Variants in MAGI1 observed in about 807,000 individuals in gnomAD.
The protein encoded by MAGI1 is membrane-associated guanylate kinase, WW and PDZ domain-containing protein 1.
In MAGI1, 58 loss-of-function variants were observed where a neutral mutation model predicts 139.9. The observed-to-expected ratio is 0.41, with a 90% CI of 0.34 to 0.52. MAGI1 has a LOEUF of 0.52. MAGI1 is among the 20% of genes least tolerant of loss of function. The pLI is 0.12. For synonymous variants in MAGI1, 812 were observed against 737.9 expected, an observed-to-expected ratio of 1.10 and a Z score of -1.63; for missense variants, 1,874 against 1,901.6, an observed-to-expected ratio of 0.99 and a Z score of 0.27.
At chr3:66,002,095 C>G (rs2066772158) in intron 1 of MAGI1, among the ~76,000 whole-genome samples, 1 of 152,146 alleles carries the variant, frequency 6.6e-6, no homozygotes, top group Non-Finnish European at 1.5e-5. Context: ...AAACAAATGC[C>G]AAGCACAAAA....
At chr3:65,915,681 C>T (rs1288007853) in intron 1 of MAGI1, among the ~76,000 whole-genome samples, 4 of 152,126 alleles carry the variant, frequency 2.6e-5, no homozygotes, top group Non-Finnish European at 5.9e-5. Context: ...TCAAGTGGCA[C>T]GTAGTTCCAT....
intron 1 of MAGI1, among the ~76,000 whole-genome samples, chr3:65,959,568 G>C (rs1322995822): frequency 6.6e-6 from 1 of 150,496 alleles, no homozygotes; most frequent in African/African-American, 2.4e-5. Flanking sequence ...CTAAGTAGCT[G>C]GGACTACAGA....
intron 1 of MAGI1, among the ~76,000 whole-genome samples, chr3:65,867,289 G>A (rs577322431): frequency 2.0e-4 from 31 of 152,312 alleles, no homozygotes; most frequent in African/African-American, 7.2e-4. Flanking sequence ...CCTGAGGGAC[G>A]AAGATATGCT....
intron 13 of MAGI1, among the ~76,000 whole-genome samples, chr3:65,396,044 C>G (rs1944370910): frequency 6.6e-6 from 1 of 152,050 alleles, no homozygotes; most frequent in African/African-American, 2.4e-5. Flanking sequence ...TTGCCAAATT[C>G]AACAGGGATT....
intron 2 of MAGI1, among the ~76,000 whole-genome samples, chr3:65,526,473 T>C (rs1056852168): frequency 6.6e-6 from 1 of 152,228 alleles, no homozygotes; most frequent in Non-Finnish European, 1.5e-5. Context: ...CAGAATTCTT[T>C]ATCTGCATGC....
intron 13 of MAGI1, among the ~76,000 whole-genome samples, chr3:65,395,636 C>CATAAA (rs1944323128): frequency 5.2e-5 from 1 of 19,172 alleles, no homozygotes; most frequent in Non-Finnish European, 1.1e-4. Flanking sequence ...GACTCCATCT[C>CATAAA]AAAAAAAAAA....
chr3:65,988,607 T>C (rs370988945), intron 1 of MAGI1, among the ~76,000 whole-genome samples: 8 of 152,298 alleles, frequency 5.3e-5, no homozygotes, highest in East Asian at 3.9e-4. Context: ...CTAGAAACCA[T>C]AATCAGATCA....
chr3:65,796,252 T>C (rs1202102681), intron 1 of MAGI1, among the ~76,000 whole-genome samples: 1 of 152,008 alleles, frequency 6.6e-6, no homozygotes, highest in African/African-American at 2.4e-5. Flanking sequence ...TTCTTTTAAG[T>C]CTATTTTCTT....
intron 18 of MAGI1, 48 bp from the exon 19 acceptor site, chr3:65,364,994 A>T (rs1331162182): frequency 6.7e-7 from 1 of 1,502,434 alleles, no homozygotes. Context: ...CAGAGAAGAC[A>T]TCCTCCAGCC....
intron 1 of MAGI1, among the ~76,000 whole-genome samples, chr3:65,885,428 T>C: frequency 6.6e-6 from 1 of 152,102 alleles, no homozygotes; most frequent in Non-Finnish European, 1.5e-5. Flanking sequence ...TCACATATAT[T>C]GTGAACGTTA....
At chr3:65,819,545 A>G (rs2041814215) in intron 1 of MAGI1, among the ~76,000 whole-genome samples, 1 of 151,948 alleles carries the variant, frequency 6.6e-6, no homozygotes, top group Non-Finnish European at 1.5e-5. Flanking sequence ...GATTACATCA[A>G]CTTAAATGCT....
chr3:65,543,756 G>T (rs879432936), intron 2 of MAGI1, among the ~76,000 whole-genome samples: 4 of 133,654 alleles, frequency 3.0e-5, no homozygotes, highest in South Asian at 5.0e-4. Flanking sequence ...TGTCAGGGAT[G>T]GGGGGGGGTA....
chr3:65,395,479 T>C (rs1189361035), intron 13 of MAGI1, among the ~76,000 whole-genome samples: 2 of 150,152 alleles, frequency 1.3e-5, no homozygotes, highest in Non-Finnish European at 3.0e-5. Flanking sequence ...CCATCTCTAC[T>C]AAAAATACAA....
intron 11 of MAGI1, among the ~76,000 whole-genome samples, chr3:65,430,383 A>T (rs189774733): frequency 3.9e-5 from 6 of 152,300 alleles, no homozygotes; most frequent in African/African-American, 1.2e-4. Flanking sequence ...TCTCCTAAAA[A>T]AAAATCTCAC....
intron 2 of MAGI1, among the ~76,000 whole-genome samples, chr3:65,576,676 C>G (rs907641561): frequency 6.6e-6 from 1 of 152,130 alleles, no homozygotes; most frequent in Non-Finnish European, 1.5e-5. Context: ...CCTTTAAGAG[C>G]CAATTCAGAA....
chr3:65,876,588 A>G (rs1289202275), intron 1 of MAGI1, among the ~76,000 whole-genome samples: 2 of 152,222 alleles, frequency 1.3e-5, no homozygotes, highest in East Asian at 3.8e-4. Flanking sequence ...TTCTAAATAT[A>G]GAGGGAAATG....
chr3:65,846,983 A>AAAAAAACAC (rs1553716721), intron 1 of MAGI1, among the ~76,000 whole-genome samples: 1 of 147,380 alleles, frequency 6.8e-6, no homozygotes, highest in Admixed American at 7.1e-5. Context: ...TTACAAAAAA[A>AAAAAAACAC]AAAAAAAAAA....
At chr3:65,367,053 A>C (rs143275865) in intron 18 of MAGI1, among the ~76,000 whole-genome samples, 1 of 152,268 alleles carries the variant, frequency 6.6e-6, no homozygotes, top group African/African-American at 2.4e-5. Context: ...AACTTTCATA[A>C]ACACGTGTAT....
At chr3:65,538,054 G>A (rs1193765936) in intron 2 of MAGI1, among the ~76,000 whole-genome samples, 1 of 152,204 alleles carries the variant, frequency 6.6e-6, no homozygotes, top group East Asian at 1.9e-4. Flanking sequence ...AGAATCGCTT[G>A]AACCCAGGAG....
Sources: allele counts gnomAD v4.1 joint callset (sites outside exome capture counted in the v4.1 genomes callset), GRCh38; gene constraint gnomAD v4.1.1; transcripts MANE v1.5; gene names NCBI Gene and HGNC (gene_info 2026-07-23, HGNC 2026-07-21).